EPHA6: variants seen among roughly 807,000 people sequenced by gnomAD.
EPHA6 encodes ephrin type-A receptor 6.
EPHA6 carries 50 observed loss-of-function variants against 112.0 expected under a neutral mutation model. That is an observed-to-expected ratio of 0.45 (90% CI 0.36 to 0.56). The LOEUF (loss-of-function observed/expected upper bound fraction) is 0.56, where lower values mean the gene tolerates loss of function less well. EPHA6 is among the 20% of genes least tolerant of loss of function. The probability of loss-of-function intolerance (pLI) is 0.00; values close to 1 mark genes in which losing one functional copy is unlikely to be tolerated. For synonymous variants in EPHA6, 529 were observed against 490.7 expected (o/e 1.08, Z -1.03); for missense variants, 1,280 against 1,417.4 (o/e 0.90, Z 1.56).
At chr3:96,963,886 G>A (rs2042032272) in intron 2 of EPHA6, among the ~76,000 whole-genome samples, 1 of 152,072 alleles carries the variant, frequency 6.6e-6, no homozygotes, top group South Asian at 2.1e-4. Context: ...ACAATGAGAA[G>A]GAAGTTCAGT....
At chr3:97,728,447 T>A (rs8180073) in intron 15 of EPHA6, among the ~76,000 whole-genome samples, 149,359 of 152,226 alleles carry the variant, frequency 0.98, 73,295 homozygotes, top group East Asian at 0.99. Context: ...CTTCCTAGCT[T>A]TACTTTACAA....
intron 5 of EPHA6, among the ~76,000 whole-genome samples, chr3:97,385,908 G>T (rs1253032435): frequency 1.3e-5 from 2 of 152,142 alleles, no homozygotes; most frequent in African/African-American, 4.8e-5. Context: ...GGGGAAGTCT[G>T]CCCTCATGAT....
chr3:96,917,508 T>A (rs996282361), intron 2 of EPHA6, among the ~76,000 whole-genome samples: 5 of 151,532 alleles, frequency 3.3e-5, no homozygotes, highest in Non-Finnish European at 7.4e-5. Context: ...CACAATGCTG[T>A]GGAAAAAAAA....
chr3:96,947,039 T>G (rs1355340196), intron 2 of EPHA6, among the ~76,000 whole-genome samples: 2 of 151,600 alleles, frequency 1.3e-5, no homozygotes, highest in African/African-American at 2.4e-5. Context: ...TGTTTTTTTT[T>G]TTGTAGATTT....
intron 6 of EPHA6, among the ~76,000 whole-genome samples, chr3:97,440,240 C>T (rs1337787659): frequency 6.6e-6 from 1 of 151,958 alleles, no homozygotes; most frequent in Non-Finnish European, 1.5e-5. Flanking sequence ...TTAAAATATT[C>T]AAATGCCAGT....
chr3:97,490,050 C>T (rs2091800207), intron 10 of EPHA6, among the ~76,000 whole-genome samples: 1 of 151,978 alleles, frequency 6.6e-6, no homozygotes, highest in Non-Finnish European at 1.5e-5. Context: ...GTTGCCTCAT[C>T]ATAGTCATTG....
chr3:97,348,600 C>T (rs575511808), intron 5 of EPHA6, among the ~76,000 whole-genome samples: 2 of 151,912 alleles, frequency 1.3e-5, no homozygotes, highest in Non-Finnish European at 2.9e-5. Flanking sequence ...ACTAATTATG[C>T]ATAACTAGGC....
rs575299695 is a variant in EPHA6 at position 97,662,618 on chromosome 3, G to A, written c.2784+24536G>A. On this transcript the variant is annotated intron_variant, in intron 14 of 17. Coordinates refer to ENST00000389672, the MANE Select transcript of EPHA6 (RefSeq NM_001080448.3). ...ATTTCCCTTAGAGAAGAATTTTGTG[G>A]GAGACTTGAACTATTTCTTTAATCA... Among the ~76,000 whole-genome samples, 41 of 152,178 alleles carry A rather than the reference G, an allele frequency of 2.7e-4. No homozygotes were observed. In the South Asian group the frequency reaches 8.1e-3, roughly 30 times the overall value.
intron 5 of EPHA6, among the ~76,000 whole-genome samples, chr3:97,287,298 G>A (rs1050223741): frequency 6.6e-6 from 1 of 151,992 alleles, no homozygotes; most frequent in African/African-American, 2.4e-5. Context: ...AGTTCTTAGA[G>A]GAAAGGCTTA....
chr3:97,234,052 G>T (rs913124349), intron 4 of EPHA6, among the ~76,000 whole-genome samples: 2 of 152,076 alleles, frequency 1.3e-5, no homozygotes, highest in African/African-American at 4.8e-5. Flanking sequence ...GAGTTTTACA[G>T]ATTTCTTTGG....
Position 97,532,437 on chromosome 3 carries a change from A to G in EPHA6, c.2280A>G (p.Lys760=). 2 of 1,612,696 alleles carry G rather than the reference A, an allele frequency of 1.2e-6. No individual in the cohort carries two copies. The highest frequency in any genetic ancestry group is 1.7e-6 in the Non-Finnish European group (2 of 1,179,004). ...REIPVAIKTL[K]GGHMDRQRRD... Reference sequence around the variant, plus strand: ...TCCCAGTTGCCATTAAAACTTTGAAAGGTGGCCACATGGATCGGCAAAGAA... The same window carrying G: ...TCCCAGTTGCCATTAAAACTTTGAAGGGTGGCCACATGGATCGGCAAAGAA... The change falls in exon 11 of 18, where the codon AAA becomes AAG. Residue 760 remains lysine (K), a synonymous_variant. Transcript: ENST00000389672.
chr3:97,026,760 G>A (rs948482058), intron 3 of EPHA6, among the ~76,000 whole-genome samples: 1 of 152,058 alleles, frequency 6.6e-6, no homozygotes, highest in Admixed American at 6.6e-5. Flanking sequence ...AGTCAGAATG[G>A]CTACTATTAA....
chr3:97,618,325 G>A (rs866259262), intron 13 of EPHA6, among the ~76,000 whole-genome samples: 3 of 151,966 alleles, frequency 2.0e-5, no homozygotes, highest in South Asian at 2.1e-4. Flanking sequence ...TCAAAAATCT[G>A]GAAGGAACTC....
chr3:97,096,166 G>A (rs1412021695), intron 3 of EPHA6, among the ~76,000 whole-genome samples: 1 of 151,594 alleles, frequency 6.6e-6, no homozygotes, highest in Non-Finnish European at 1.5e-5. Context: ...TATTTTATAC[G>A]TATCCACATA....
intron 3 of EPHA6, among the ~76,000 whole-genome samples, chr3:97,044,546 T>C (rs1052348521): frequency 2.0e-5 from 3 of 152,168 alleles, no homozygotes; most frequent in African/African-American, 7.2e-5. Flanking sequence ...ACCAACCATG[T>C]CCTTCTCATT....
intron 4 of EPHA6, among the ~76,000 whole-genome samples, chr3:97,228,732 T>C (rs2078435605): frequency 6.6e-6 from 1 of 152,168 alleles, no homozygotes. Context: ...GGTAGATAGA[T>C]ACCTAGTAGG....
At chr3:97,305,951 T>C (rs2081301286) in intron 5 of EPHA6, among the ~76,000 whole-genome samples, 1 of 151,874 alleles carries the variant, frequency 6.6e-6, no homozygotes, top group Admixed American at 6.6e-5. Flanking sequence ...TTTTAAATTG[T>C]ACATAAGCCA....
intron 6 of EPHA6, among the ~76,000 whole-genome samples, chr3:97,412,015 G>C (rs1453595662): frequency 3.9e-5 from 6 of 152,004 alleles, no homozygotes; most frequent in African/African-American, 1.2e-4. Flanking sequence ...GATTTCAGAG[G>C]AGGAGGGCAG....
intron 3 of EPHA6, among the ~76,000 whole-genome samples, chr3:97,197,606 T>G (rs1413438705): frequency 6.6e-6 from 1 of 151,804 alleles, no homozygotes; most frequent in African/African-American, 2.4e-5. Flanking sequence ...AGAAGGAATC[T>G]CTCAGAATTC....
Sources: gnomAD v4.1 joint callset for allele counts (sites outside exome capture counted in the v4.1 genomes callset) on GRCh38, gnomAD v4.1.1 for gene constraint, MANE v1.5 for transcripts, NCBI Gene and HGNC (gene_info 2026-07-23, HGNC 2026-07-21) for gene names.